Variants in RAD54L2 observed in about 807,000 individuals in gnomAD.
RAD54L2 encodes helicase ARIP4.
Under a neutral mutation model 138.4 loss-of-function variants are expected in RAD54L2, and 27 were observed. The ratio of observed to expected loss-of-function variants is 0.20; its 90% CI spans 0.14 to 0.27. The LOEUF is 0.27. Among genes scored for constraint, RAD54L2 ranks in the 10% least tolerant of loss-of-function variants. The pLI is 1.00. For synonymous variants in RAD54L2, 644 were observed against 723.2 expected (o/e 0.89, Z 1.76); for missense variants, 1,396 against 1,890.2 (o/e 0.74, Z 4.85).
intron 6 of RAD54L2, 107 bp downstream of exon 6, chr3:51,630,495 C>A: frequency 8.8e-7 from 1 of 1,130,314 alleles, no homozygotes; most frequent in Non-Finnish European, 1.3e-6. Flanking sequence ...TGGGATGTGG[C>A]TTTGACTAAT....
Position 51,611,685 on chromosome 3 carries a change from A to C in RAD54L2, c.140-15868A>C, listed in dbSNP as rs368451157. 8 of 151,860 alleles carry C rather than the reference A, an allele frequency of 5.3e-5. No homozygotes were observed. In the East Asian group the frequency reaches 1.2e-3, roughly 22 times the overall value. The allele number at this position is 151,860 out of a possible 1,614,324, so 9.4% of individuals were successfully genotyped here. A position where few individuals can be genotyped will look rare whatever the true frequency, so the allele number is the denominator to read the frequency against. ...AGCAATTCTCTGCCTTCACCTCCCG[A>C]GTAGCTGGGATTACAGGTGCCAGCC... On this transcript the variant is annotated intron_variant, in intron 3 of 22. Coordinates refer to ENST00000684192, the MANE Select transcript of RAD54L2 (RefSeq NM_015106.4).
intron 2 of RAD54L2, among the ~76,000 whole-genome samples, chr3:51,561,967 C>T (rs1306579999): frequency 6.6e-6 from 1 of 151,744 alleles, no homozygotes; most frequent in Non-Finnish European, 1.5e-5. Flanking sequence ...TTCCTGGGCC[C>T]AAGCAATCCC....
At chr3:51,652,591 T>C (rs1173323275) in intron 19 of RAD54L2, among the ~76,000 whole-genome samples, 1 of 152,022 alleles carries the variant, frequency 6.6e-6, no homozygotes, top group Non-Finnish European at 1.5e-5. Flanking sequence ...TATAGACCAA[T>C]GGAACAGAAT....
chr3:51,628,049 T>C (rs996546869), intron 4 of RAD54L2, among the ~76,000 whole-genome samples: 8 of 152,166 alleles, frequency 5.3e-5, no homozygotes, highest in African/African-American at 1.4e-4. Context: ...AGCTGGACTT[T>C]CCGGTTTTTC....
rs771006820 is a variant in RAD54L2 at position 51,637,431 on chromosome 3, C to T, written c.1610C>T (p.Thr537Ile). The change falls in exon 11 of 23, where the codon ACA becomes ATA. Residue 537 changes from threonine to isoleucine, a missense_variant. Physicochemically the swap from Thr to Ile is moderately conservative, Grantham distance 89. This residue lies in a region of RAD54L2 where 36 missense variants were observed against 107.2 expected (regional missense o/e 0.34). Coordinates refer to ENST00000684192, the MANE Select transcript of RAD54L2 (RefSeq NM_015106.4). This position sits in a 1 kb window ranked among gnomAD's most constrained non-coding sequence, Gnocchi z 5.9. ...CTGAATGGGCAATGTATTGACAGCA[C>T]ACCTCAGGACGTCCGCCTCATGCGG... is the stretch of plus-strand genomic sequence containing the variant. The part of the protein sequence containing the change: ...PILNGQCIDS[T>I]PQDVRLMRYR... 3 of 1,613,838 alleles carry T rather than the reference C, an allele frequency of 1.9e-6. No homozygotes were observed. The highest frequency in any genetic ancestry group is 2.7e-5 in the African/African-American group (2 of 74,950).
Position 51,590,969 on chromosome 3 carries a change from C to A in RAD54L2, c.139+410C>A, listed in dbSNP as rs192752184. Among the ~76,000 whole-genome samples, 13 of 152,258 alleles carry A rather than the reference C, an allele frequency of 8.5e-5. No individual in the cohort carries two copies. In the South Asian group the frequency reaches 1.2e-3, roughly 15 times the overall value. ...TGTAAGTTTTCTGAAATTATACATA[C>A]AATTGTGCTTGTGTGTACATGAGGG... is the stretch of plus-strand genomic sequence containing the variant. On this transcript the variant is annotated intron_variant, in intron 3 of 22. Coordinates refer to ENST00000684192, the MANE Select transcript of RAD54L2 (RefSeq NM_015106.4).
chr3:51,651,315 G>A (rs1202164410), intron 19 of RAD54L2, among the ~76,000 whole-genome samples: 2 of 152,090 alleles, frequency 1.3e-5, no homozygotes, highest in Non-Finnish European at 2.9e-5. Context: ...ACCAAAAAAA[G>A]TCCAGGACCA....
intron 3 of RAD54L2, among the ~76,000 whole-genome samples, chr3:51,613,558 G>A (rs1376530286): frequency 1.3e-5 from 2 of 152,080 alleles, no homozygotes; most frequent in Non-Finnish European, 2.9e-5. Context: ...CACGAGATCA[G>A]GAGTTCGAGA....
chr3:51,663,134 C>T lies in RAD54L2; in HGVS notation c.4118C>T (p.Pro1373Leu), dbSNP rs1326134041. Reference sequence around the variant, plus strand: ...AGCAACCCCTCCTTCATGCTCAACCCTTCTGTGCCAGGGATACTACCCAGC... The same window carrying T: ...AGCAACCCCTCCTTCATGCTCAACCTTTCTGTGCCAGGGATACTACCCAGC... ...TASNPSFMLN[P>L]SVPGILPSYS... The change falls in exon 23 of 23, where the codon CCT becomes CTT. Residue 1373 changes from proline (P) to leucine (L), a missense_variant. Around this residue, in one of 7 missense-constraint regions of RAD54L2, gnomAD observed 634 missense variants for 711.2 expected, o/e 0.89. Transcript: ENST00000684192. The T allele has an allele frequency of 1.2e-6, 2 of 1,614,008 alleles. No homozygotes were observed. The highest frequency in any genetic ancestry group is 2.2e-5 in the South Asian group (2 of 91,086).
chr3:51,547,729 G>A (rs1553672606), intron 2 of RAD54L2, among the ~76,000 whole-genome samples: 1 of 151,882 alleles, frequency 6.6e-6, no homozygotes, highest in East Asian at 1.9e-4. Flanking sequence ...CTAATGGCAT[G>A]TGCCACTGTG....
chr3:51,626,692 G>C (rs1425160918), intron 3 of RAD54L2, among the ~76,000 whole-genome samples: 1 of 151,444 alleles, frequency 6.6e-6, no homozygotes. Context: ...TGATCCTCCC[G>C]CCTCAGCCTA....
intron 2 of RAD54L2, among the ~76,000 whole-genome samples, chr3:51,545,982 A>C (rs1437489240): frequency 2.4e-5 from 3 of 123,352 alleles, no homozygotes; most frequent in Admixed American, 2.3e-4. Flanking sequence ...TCTGTAGCCC[A>C]GGCTGGAGTG....
At chr3:51,543,389 A>C (rs1438190568) in intron 2 of RAD54L2, among the ~76,000 whole-genome samples, 20 of 152,094 alleles carry the variant, frequency 1.3e-4, no homozygotes, top group African/African-American at 4.8e-4. Context: ...CGGGCGGATC[A>C]CCTGAGGTTG....
At chr3:51,659,030 G>A (rs1342698859) in intron 21 of RAD54L2, among the ~76,000 whole-genome samples, 1 of 151,224 alleles carries the variant, frequency 6.6e-6, no homozygotes, top group Non-Finnish European at 1.5e-5. Context: ...TGTTACAGCA[G>A]CAGAATTGAG....
chr3:51,609,513 A>G (rs747782905), intron 3 of RAD54L2, among the ~76,000 whole-genome samples: 2 of 152,162 alleles, frequency 1.3e-5, no homozygotes, highest in African/African-American at 2.4e-5. Flanking sequence ...ACTTGAGTGC[A>G]TTTTGTGGAG....
chr3:51,625,743 TC>T lies in RAD54L2; in HGVS notation c.140-1807del, dbSNP rs1700663255. Among the ~76,000 whole-genome samples the T allele has an allele frequency of 3.3e-5, 5 of 152,120 alleles. No individual in the cohort carries two copies. The South Asian group carries it at 1.0e-3, about 32-fold the overall frequency. ...TGGGTGTGATGGCATGCACCTGTAG[TC>T]CCAGCTACCTGAGAGGCTGAGGCTG... On this transcript the variant is annotated intron_variant, in intron 3 of 22. Transcript: ENST00000684192.
intron 2 of RAD54L2, among the ~76,000 whole-genome samples, chr3:51,570,531 A>C (rs947615147): frequency 6.6e-6 from 1 of 151,646 alleles, no homozygotes; most frequent in Non-Finnish European, 1.5e-5. Flanking sequence ...ATCTCGGCTC[A>C]CTGCAACCTC....
chr3:51,619,913 T>C (rs1413597222), intron 3 of RAD54L2, among the ~76,000 whole-genome samples: 1 of 152,166 alleles, frequency 6.6e-6, no homozygotes, highest in African/African-American at 2.4e-5. Flanking sequence ...CTGTGCATTA[T>C]GTATTGTAGA....
At chr3:51,564,385 C>CTGTTT (rs1699165977) in intron 2 of RAD54L2, among the ~76,000 whole-genome samples, 2 of 152,198 alleles carry the variant, frequency 1.3e-5, no homozygotes, top group African/African-American at 4.8e-5. Flanking sequence ...GAATGCTTCA[C>CTGTTT]TCTGGGCCAC....
Sources: gnomAD v4.1 joint callset for allele counts (sites outside exome capture counted in the v4.1 genomes callset) on GRCh38, gnomAD v4.1.1 for gene constraint, gnomAD v4.1.1 regional missense constraint, Gnocchi (gnomAD v3.1) non-coding constraint, MANE v1.5 for transcripts, NCBI Gene and HGNC (gene_info 2026-07-23, HGNC 2026-07-21) for gene names.